Variants in P2RY12 observed in about 807,000 individuals in gnomAD.
P2RY12 encodes the protein P2Y purinoceptor 12.
Under a neutral mutation model 4.5 loss-of-function variants are expected in P2RY12, and 3 were observed. That is an observed-to-expected ratio of 0.67 (90% CI 0.31 to 1.74). P2RY12 has a LOEUF of 1.74. Ranked by LOEUF, P2RY12 falls within the 40% of genes most tolerant of loss-of-function variation. P2RY12 has a pLI of 0.09. For synonymous variants in P2RY12, 148 were observed against 154.1 expected (o/e 0.96, Z 0.29); for missense variants, 356 against 407.8 (o/e 0.87, Z 1.09).
At chr3:151,360,616 G>A in intron 1 of P2RY12, 2 of 1,606,928 alleles carry the variant, frequency 1.2e-6, no homozygotes, top group African/African-American at 1.3e-5. Flanking sequence ...GTGAGTAGAA[G>A]AGACTCAAAA....
At chr3:151,348,576 T>C (rs187432975) in intron 1 of P2RY12, among the ~76,000 whole-genome samples, 4 of 150,570 alleles carry the variant, frequency 2.7e-5, no homozygotes, top group East Asian at 1.9e-4. Flanking sequence ...CTAGCTTCTT[T>C]TTTTTTTTTT....
At chr3:151,362,464 T>C (rs1754728888) in intron 1 of P2RY12, among the ~76,000 whole-genome samples, 1 of 152,076 alleles carries the variant, frequency 6.6e-6, no homozygotes, top group African/African-American at 2.4e-5. Context: ...TTGTGATACT[T>C]GTCCTCAGTT....
chr3:151,344,736 GA>G (rs1173499866), intron 1 of P2RY12, among the ~76,000 whole-genome samples: 4 of 152,150 alleles, frequency 2.6e-5, no homozygotes, highest in Non-Finnish European at 4.4e-5. Flanking sequence ...TTAGTGTTTG[GA>G]AGAAAGGAAG....
At chr3:151,348,340 CAAAAAAAAA>C (rs11382065) in intron 1 of P2RY12, among the ~76,000 whole-genome samples, 77 of 87,816 alleles carry the variant, frequency 8.8e-4, no homozygotes, top group African/African-American at 3.3e-3. Flanking sequence ...ACCACCAGAC[CAAAAAAAAA>C]AAAAAAAAAA....
intron 1 of P2RY12, among the ~76,000 whole-genome samples, chr3:151,356,334 A>G (rs572255138): frequency 6.6e-6 from 1 of 152,260 alleles, no homozygotes; most frequent in South Asian, 2.1e-4. Flanking sequence ...CAAGGATGCA[A>G]TAAGCCATGA....
chr3:151,378,259 A>G (rs1711576136), intron 1 of P2RY12: 1 of 1,278,212 alleles, frequency 7.8e-7, no homozygotes, highest in African/African-American at 1.5e-5. Context: ...TGGTCACTGT[A>G]CCCACAGTCC....
At chr3:151,375,058 A>G (rs1380107555) in intron 1 of P2RY12, among the ~76,000 whole-genome samples, 1 of 152,250 alleles carries the variant, frequency 6.6e-6, no homozygotes, top group South Asian at 2.1e-4. Flanking sequence ...CTACATAGTC[A>G]TATAAGTATT....
At chr3:151,352,860 A>T (rs867423198) in intron 1 of P2RY12, among the ~76,000 whole-genome samples, 3 of 152,194 alleles carry the variant, frequency 2.0e-5, no homozygotes, top group Non-Finnish European at 4.4e-5. Context: ...AAAGATTTTT[A>T]AAAAAGAAAA....
At chr3:151,363,629 G>A (rs527326239) in intron 1 of P2RY12, among the ~76,000 whole-genome samples, 4 of 152,262 alleles carry the variant, frequency 2.6e-5, no homozygotes, top group East Asian at 3.9e-4. Flanking sequence ...TAAAATATAA[G>A]TTGTCTACAC....
chr3:151,338,885 AT>A (rs761063018), intron 2 of P2RY12, 26 bp from the exon 3 acceptor site: 16 of 1,594,870 alleles, frequency 1.0e-5, no homozygotes, highest in Non-Finnish European at 1.4e-5. Context: ...GAGGATGGTT[AT>A]TTTCAGCCTA....
intron 1 of P2RY12, among the ~76,000 whole-genome samples, chr3:151,381,402 GA>G: frequency 6.6e-6 from 1 of 152,306 alleles, no homozygotes; most frequent in East Asian, 1.9e-4. Context: ...GATAAGGCCA[GA>G]CATGATTTGA....
At chr3:151,365,137 C>T (rs771879553) in intron 1 of P2RY12, 11 of 1,613,894 alleles carry the variant, frequency 6.8e-6, no homozygotes, top group Non-Finnish European at 9.3e-6. Flanking sequence ...AGTGACAATG[C>T]GGCCAATCGC....
At chr3:151,373,560 G>GGT (rs1756439666) in intron 1 of P2RY12, among the ~76,000 whole-genome samples, 2 of 145,836 alleles carry the variant, frequency 1.4e-5, no homozygotes, top group Non-Finnish European at 1.5e-5. Context: ...CAAAATGGTG[G>GGT]TTTTTTTTTT....
chr3:151,361,125 A>G (rs1396315221), intron 1 of P2RY12, among the ~76,000 whole-genome samples: 2 of 152,098 alleles, frequency 1.3e-5, no homozygotes, highest in Non-Finnish European at 2.9e-5. Context: ...ATTAGCTTTA[A>G]TATCCTTTGG....
intron 1 of P2RY12, among the ~76,000 whole-genome samples, chr3:151,367,966 CTA>C (rs1385753741): frequency 2.6e-5 from 4 of 152,140 alleles, no homozygotes; most frequent in East Asian, 3.9e-4. Flanking sequence ...TGGGAAACTG[CTA>C]TGTTACAGTC....
chr3:151,375,923 C>G, intron 1 of P2RY12: 1 of 612,120 alleles, frequency 1.6e-6, no homozygotes, highest in East Asian at 3.4e-5. Flanking sequence ...TGGAAAATTC[C>G]TATCAGTTTT....
intron 1 of P2RY12, chr3:151,378,303 A>G: frequency 1.1e-6 from 1 of 939,796 alleles, no homozygotes; most frequent in Non-Finnish European, 1.5e-6. Context: ...AACTGGGAAT[A>G]TTCTATTAGG....
intron 1 of P2RY12, among the ~76,000 whole-genome samples, chr3:151,382,156 A>G (rs1354169163): frequency 4.6e-5 from 7 of 152,166 alleles, no homozygotes; most frequent in African/African-American, 1.7e-4. Context: ...GATGTCTGCA[A>G]TGCCATATTT....
At chr3:151,355,411 T>G (rs1753785359) in intron 1 of P2RY12, among the ~76,000 whole-genome samples, 1 of 152,238 alleles carries the variant, frequency 6.6e-6, no homozygotes, top group Non-Finnish European at 1.5e-5. Context: ...GTTGCCTTCC[T>G]CGAAGGATTA....
Sources: gnomAD v4.1 joint callset for allele counts (sites outside exome capture counted in the v4.1 genomes callset) on GRCh38, gnomAD v4.1.1 for gene constraint, MANE v1.5 for transcripts, NCBI Gene and HGNC (gene_info 2026-07-23, HGNC 2026-07-21) for gene names.